GCN1: variants seen among roughly 807,000 people sequenced by gnomAD.
GCN1 encodes the protein GCN1 activator of EIF2AK4, also known as stalled ribosome sensor GCN1.
GCN1 carries 90 observed loss-of-function variants against 288.4 expected under a neutral mutation model. The observed-to-expected ratio is 0.31, with a 90% CI of 0.26 to 0.37. The LOEUF (loss-of-function observed/expected upper bound fraction) is 0.37. Among genes scored for constraint, GCN1 ranks in the 10% least tolerant of loss-of-function variants. GCN1 has a pLI of 1.00. For synonymous variants in GCN1, 1,386 were observed against 1,420.2 expected, an observed-to-expected ratio of 0.98 and a Z score of 0.54; for missense variants, 2,586 against 3,419.9, an observed-to-expected ratio of 0.76 and a Z score of 6.08.
At chr12:120,166,095 A>AT (rs1433283377) in intron 16 of GCN1, among the ~76,000 whole-genome samples, 8 of 144,770 alleles carry the variant, frequency 5.5e-5, no homozygotes, top group South Asian at 2.5e-4. Context: ...GCCCCAGCCT[A>AT]TTTTTTTTTA....
intron 50 of GCN1, 21 bp from the exon 51 acceptor site, chr12:120,136,753 G>A (rs1249086840): frequency 1.9e-6 from 3 of 1,584,632 alleles, no homozygotes; most frequent in East Asian, 2.2e-5. Context: ...AACCACAACT[G>A]AGAGTCAAAT....
chr12:120,160,877 T>C (rs973117161), intron 22 of GCN1, among the ~76,000 whole-genome samples: 2 of 152,146 alleles, frequency 1.3e-5, no homozygotes, highest in African/African-American at 4.8e-5. Context: ...TTATGATAAA[T>C]GTTAGTAAAG....
chr12:120,173,751 T>C lies in GCN1; in HGVS notation c.1268A>G (p.Lys423Arg), dbSNP rs764089855. 6.8e-6 allele frequency: 11 copies of C among 1,613,046 alleles called. No individual in the cohort carries two copies. The highest frequency in any genetic ancestry group is 4.0e-5 in the African/African-American group (3 of 74,908). ...TTTTTTGAACCATTCAGTGAGCTTC[T>C]TGGGCACTTCCATAGTGAATCGGTT... is the stretch of plus-strand genomic sequence containing the variant. The part of the protein sequence containing the change: ...WCNRFTMEVP[K>R]KLTEWFKKAF... Residue 423 changes from lysine to arginine, a missense_variant, in exon 14 of 58, where the codon AAG becomes AGG. By Grantham distance (26) the Lys-to-Arg change is conservative. Coordinates refer to ENST00000300648, the MANE Select transcript of GCN1 (RefSeq NM_006836.2).
chr12:120,138,673 G>GGT (rs778913244), intron 46 of GCN1, 22 bp downstream of exon 46: 1 of 1,603,216 alleles, frequency 6.2e-7, no homozygotes, highest in East Asian at 2.2e-5. Flanking sequence ...CTGGTAGGTA[G>GGT]GTGTGTGGTA....
chr12:120,194,309 G>A (rs940851247), intron 1 of GCN1, among the ~76,000 whole-genome samples: 1 of 152,266 alleles, frequency 6.6e-6, no homozygotes, highest in African/African-American at 2.4e-5. Context: ...AAGAATATTT[G>A]CTGAATACAA....
Position 120,151,331 on chromosome 12 carries a change from C to T in GCN1, c.4123G>A (p.Gly1375Arg). Residue 1375 changes from glycine (G) to arginine (R), a missense_variant, in exon 34 of 58, where the codon GGA becomes AGA. Coordinates refer to ENST00000300648, the MANE Select transcript of GCN1 (RefSeq NM_006836.2). ...TGCATAAGCCTCTGGATCATCCCTC[C>T]AGCATCCTCCTTGATGGCTGGCACA... ...PLVPAIKEDA[G>R]GMIQRLMQQL... The T allele has an allele frequency of 6.2e-7, 1 of 1,614,034 alleles. No individual in the cohort carries two copies.
In GCN1 at chr12:120,142,137, T is replaced by A. The variant is rs1381810802; in HGVS notation, c.5829+370A>T. ...GTCAGGAGATCGAGACCGTCCTGGC[T>A]AACGTGCTGAAACCCCGTCTCTACT... is the stretch of plus-strand genomic sequence containing the variant. On this transcript the variant is annotated intron_variant, in intron 44 of 57. Coordinates refer to ENST00000300648, the MANE Select transcript of GCN1 (RefSeq NM_006836.2). This position sits in a 1 kb window ranked among gnomAD's most constrained non-coding sequence, Gnocchi z 4.9. Among the ~76,000 whole-genome samples, 2 of 151,964 alleles carry A rather than the reference T, an allele frequency of 1.3e-5. No individual in the cohort carries two copies. The highest frequency in any genetic ancestry group is 1.3e-4 in the Admixed American group (2 of 15,252).
At chr12:120,140,746 C>T in intron 45 of GCN1, 113 bp downstream of exon 45, 1 of 992,416 alleles carries the variant, frequency 1.0e-6, no homozygotes, top group Non-Finnish European at 1.5e-6. Flanking sequence ...CTGGCTCATC[C>T]CTGAGGGCAG....
intron 44 of GCN1, among the ~76,000 whole-genome samples, chr12:120,141,238 C>T (rs528828286): frequency 6.6e-6 from 1 of 152,192 alleles, no homozygotes; most frequent in Non-Finnish European, 1.5e-5. Flanking sequence ...CACACCTACA[C>T]AACCTAACAT....
chr12:120,168,230 G>T lies in GCN1; in HGVS notation c.1590C>A (p.Phe530Leu). 2 of 1,591,434 alleles carry T rather than the reference G, an allele frequency of 1.3e-6. No individual in the cohort carries two copies. Among genetic ancestry groups the T allele is most frequent in the Non-Finnish European group, 1.7e-6 (2 of 1,159,190 alleles). Reference protein sequence around the residue: ...EKKQVFTSEKFLVMASEDALC... With the variant: ...EKKQVFTSEKLLVMASEDALC... ...TACCATCCTCTGAAGCCATGACCAGGAATTTCTCAGAAGTGAAAACCTGCT... is the reference window on the plus strand; with the variant it reads ...TACCATCCTCTGAAGCCATGACCAGTAATTTCTCAGAAGTGAAAACCTGCT... Residue 530 changes from phenylalanine to leucine, a missense_variant, in exon 16 of 58, where the codon TTC becomes TTA. Coordinates refer to ENST00000300648, the MANE Select transcript of GCN1 (RefSeq NM_006836.2).
chr12:120,128,975 G>A (rs902984631), intron 57 of GCN1, among the ~76,000 whole-genome samples: 4 of 151,132 alleles, frequency 2.6e-5, no homozygotes, highest in African/African-American at 7.3e-5. Flanking sequence ...CTGAGTAGCT[G>A]GGACAAAGCC....
chr12:120,137,720 G>C lies in GCN1; in HGVS notation c.6488C>G (p.Pro2163Arg). 6.2e-7 allele frequency: 1 copy of C among 1,614,180 alleles called. No homozygotes were observed. The highest frequency in any genetic ancestry group is 8.5e-7 in the Non-Finnish European group (1 of 1,180,010). The change falls in exon 49 of 58, where the codon CCT becomes CGT. Residue 2163 changes from proline (P) to arginine (R), a missense_variant. This residue lies in a region of GCN1 where 437 missense variants were observed against 570.5 expected (regional missense o/e 0.77). Transcript: ENST00000300648. The surrounding 1 kb of genome is among the most constrained non-coding windows in gnomAD (Gnocchi z 5.2). ...AGCAGCTTGCCTCATGCCCACCTCA[G>C]GGCTGCGGGTGGCCTCCAGCAGATC... The part of the protein sequence containing the change: ...IEDLLEATRS[P>R]EVGMRQAAAI...
chr12:120,179,674 C>T (rs1329850098), intron 5 of GCN1, among the ~76,000 whole-genome samples: 1 of 152,058 alleles, frequency 6.6e-6, no homozygotes, highest in East Asian at 1.9e-4. Context: ...GCTGGGATTA[C>T]AGGCGTGAGC....
intron 5 of GCN1, 81 bp downstream of exon 5, chr12:120,183,488 G>A (rs1382601428): frequency 3.4e-6 from 3 of 885,278 alleles, no homozygotes; most frequent in African/African-American, 1.6e-5. Context: ...AAAAGCACTT[G>A]GCACCAAGAA....
At chr12:120,169,484 G>A (rs1243711422) in intron 15 of GCN1, among the ~76,000 whole-genome samples, 3 of 151,570 alleles carry the variant, frequency 2.0e-5, no homozygotes, top group African/African-American at 4.8e-5. Flanking sequence ...AACACACTAT[G>A]TCTGGACATA....
chr12:120,169,296 G>GA (rs767645879), intron 15 of GCN1, among the ~76,000 whole-genome samples: 1,677 of 55,370 alleles, frequency 0.03, 49 homozygotes, highest in African/African-American at 0.15. Context: ...AAAAAAAAAA[G>GA]AAAAAAAAAA....
At chr12:120,185,181 T>C (rs1451783347) in intron 2 of GCN1, among the ~76,000 whole-genome samples, 1 of 152,222 alleles carries the variant, frequency 6.6e-6, no homozygotes, top group Non-Finnish European at 1.5e-5. Context: ...TTCTACTTCT[T>C]GATCTGGGTG....
intron 2 of GCN1, among the ~76,000 whole-genome samples, chr12:120,189,313 C>A (rs1190663440): frequency 6.6e-6 from 1 of 151,286 alleles, no homozygotes; most frequent in Non-Finnish European, 1.5e-5. Context: ...CCTCGTGATC[C>A]ACTCGCCTCG....
rs754569147 is a variant in GCN1 at position 120,137,265 on chromosome 12, G to A, written c.6718C>T (p.Arg2240Trp). Residue 2240 changes from arginine (R) to tryptophan (W), a missense_variant, in exon 50 of 58, where the codon CGG becomes TGG. Physicochemically the swap from Arg to Trp is moderately radical, Grantham distance 101. Coordinates refer to ENST00000300648, the MANE Select transcript of GCN1 (RefSeq NM_006836.2). The surrounding 1 kb of genome is among the most constrained non-coding windows in gnomAD (Gnocchi z 5.2). ...CCTTTGCTCTCGTTCCCTATGAGCC[G>A]GATTTCCTTGTGCAGCTCTTCAATG... ...ALIEELHKEI[R>W]LIGNESKGEH... is the part of the protein sequence containing the mutation. 24 of 1,614,130 alleles carry A rather than the reference G, an allele frequency of 1.5e-5. No individual in the cohort carries two copies. In the South Asian group the frequency reaches 1.6e-4, roughly 11 times the overall value.
Sources: gnomAD v4.1 joint callset for allele counts (sites outside exome capture counted in the v4.1 genomes callset) on GRCh38, gnomAD v4.1.1 for gene constraint, gnomAD v4.1.1 regional missense constraint, Gnocchi (gnomAD v3.1) non-coding constraint, MANE v1.5 for transcripts, NCBI Gene and HGNC (gene_info 2026-07-23, HGNC 2026-07-21) for gene names.